The following INPP4B variants were observed in gnomAD, a reference collection of about 807,000 sequenced individuals.
The protein encoded by INPP4B is inositol polyphosphate 4-phosphatase type II.
A neutral mutation model predicts 122.5 loss-of-function variants in INPP4B; 55 were observed. The ratio of observed to expected loss-of-function variants is 0.45; its 90% CI spans 0.36 to 0.56. The LOEUF (loss-of-function observed/expected upper bound fraction) is 0.56. INPP4B is among the 20% of genes least tolerant of loss of function. The probability of loss-of-function intolerance (pLI) is 0.00; values close to 1 mark genes in which losing one functional copy is unlikely to be tolerated. For synonymous variants in INPP4B, 403 were observed against 388.7 expected, an observed-to-expected ratio of 1.04 and a Z score of -0.43; for missense variants, 1,000 against 1,097.7, an observed-to-expected ratio of 0.91 and a Z score of 1.26.
At position 142,072,517 on chromosome 4, in the gene INPP4B, G is replaced by C. The variant is rs1405167896; in HGVS notation, c.2642+9514C>G. Among the ~76,000 whole-genome samples the C allele has an allele frequency of 2.0e-5, 3 of 147,054 alleles. No individual in the cohort carries two copies. In the East Asian group the frequency reaches 5.9e-4, roughly 29 times the overall value. On this transcript the variant is annotated intron_variant, in intron 25 of 25. Coordinates refer to ENST00000262992, the MANE Select transcript of INPP4B (RefSeq NM_001101669.3). ...TAAATAAAAGAGAACCAATGCAACAGATGATATGAATAGTGGAAATGACTT... is the reference window on the plus strand; with the variant it reads ...TAAATAAAAGAGAACCAATGCAACACATGATATGAATAGTGGAAATGACTT...
chr4:142,350,975 T>C (rs1192815421), intron 7 of INPP4B, among the ~76,000 whole-genome samples: 1 of 151,956 alleles, frequency 6.6e-6, no homozygotes. Flanking sequence ...AAAGAAGAAA[T>C]ATTGTTTTCC....
At chr4:142,648,561 TC>T (rs1752293415) in intron 2 of INPP4B, among the ~76,000 whole-genome samples, 1 of 152,192 alleles carries the variant, frequency 6.6e-6, no homozygotes, top group African/African-American at 2.4e-5. Context: ...GAAACCTTAA[TC>T]ACTGCCAGTG....
At chr4:142,454,657 T>C (rs1334068186) in intron 3 of INPP4B, among the ~76,000 whole-genome samples, 1 of 151,976 alleles carries the variant, frequency 6.6e-6, no homozygotes, top group African/African-American at 2.4e-5. Flanking sequence ...TGGGACCAAT[T>C]ATGGATCCAA....
intron 23 of INPP4B, among the ~76,000 whole-genome samples, chr4:142,105,350 T>A (rs1342796813): frequency 1.3e-5 from 2 of 152,196 alleles, no homozygotes; most frequent in Non-Finnish European, 2.9e-5. Context: ...AATTACTAAC[T>A]ACTAAAGGTT....
chr4:142,276,866 T>C (rs537939608), intron 9 of INPP4B, among the ~76,000 whole-genome samples: 2 of 152,030 alleles, frequency 1.3e-5, no homozygotes, highest in South Asian at 4.1e-4. Flanking sequence ...CTATTAAAAA[T>C]ATATATTTGG....
intron 15 of INPP4B, among the ~76,000 whole-genome samples, chr4:142,184,422 C>A (rs1224479939): frequency 6.6e-6 from 1 of 152,184 alleles, no homozygotes; most frequent in Non-Finnish European, 1.5e-5. Flanking sequence ...CCACAAGTGT[C>A]TTTTTGTTTC....
chr4:142,843,517 CAG>C (rs1204624483), intron 1 of INPP4B, among the ~76,000 whole-genome samples: 2 of 151,874 alleles, frequency 1.3e-5, no homozygotes, highest in Non-Finnish European at 2.9e-5. Context: ...TTATTTAAAA[CAG>C]GGCATTTCTA....
At chr4:142,379,226 C>T (rs1793146426) in intron 7 of INPP4B, among the ~76,000 whole-genome samples, 1 of 152,118 alleles carries the variant, frequency 6.6e-6, no homozygotes, top group South Asian at 2.1e-4. Context: ...ATCATCATTA[C>T]CCAAGTTTGT....
At chr4:142,811,003 G>A (rs1318640104) in intron 1 of INPP4B, among the ~76,000 whole-genome samples, 1 of 152,174 alleles carries the variant, frequency 6.6e-6, no homozygotes, top group Admixed American at 6.5e-5. Context: ...AAAATGTTAT[G>A]TAAATGCACT....
At chr4:142,653,434 A>G (rs546987230) in intron 2 of INPP4B, among the ~76,000 whole-genome samples, 1 of 152,270 alleles carries the variant, frequency 6.6e-6, no homozygotes, top group African/African-American at 2.4e-5. Context: ...GAGTGAACAG[A>G]CAACCTACTG....
chr4:142,142,486 G>C (rs948930467), intron 18 of INPP4B, among the ~76,000 whole-genome samples: 3 of 152,026 alleles, frequency 2.0e-5, no homozygotes, highest in African/African-American at 7.2e-5. Flanking sequence ...AATGAAACCA[G>C]GTTTCTTTAG....
intron 15 of INPP4B, among the ~76,000 whole-genome samples, chr4:142,189,235 C>A (rs546692611): frequency 6.6e-6 from 1 of 152,100 alleles, no homozygotes. Context: ...TAGTGGGCAG[C>A]CAAGGTTGGT....
chr4:142,221,526 G>A (rs1423046016), intron 12 of INPP4B, among the ~76,000 whole-genome samples: 4 of 151,210 alleles, frequency 2.6e-5, no homozygotes, highest in African/African-American at 4.9e-5. Flanking sequence ...TTTCTATCTT[G>A]CCCACAAGGA....
At chr4:142,130,784 C>CT (rs545513203) in intron 18 of INPP4B, among the ~76,000 whole-genome samples, 15 of 152,190 alleles carry the variant, frequency 9.9e-5, no homozygotes, top group Non-Finnish European at 1.9e-4. Flanking sequence ...AATAACTGTA[C>CT]TGCTCAACCC....
At chr4:142,523,367 G>T (rs577064520) in intron 2 of INPP4B, among the ~76,000 whole-genome samples, 1 of 152,098 alleles carries the variant, frequency 6.6e-6, no homozygotes, top group Non-Finnish European at 1.5e-5. Context: ...AGGTGAACAT[G>T]ATGTAAGAGG....
chr4:142,499,891 A>G (rs1231310542), intron 2 of INPP4B, among the ~76,000 whole-genome samples: 2 of 152,136 alleles, frequency 1.3e-5, no homozygotes, highest in South Asian at 4.1e-4. Context: ...CCACCTTGCA[A>G]TCTGATCAAA....
chr4:142,548,454 C>T (rs543380903), intron 2 of INPP4B, among the ~76,000 whole-genome samples: 1 of 152,116 alleles, frequency 6.6e-6, no homozygotes, highest in African/African-American at 2.4e-5. Context: ...CTAGAAGAGG[C>T]TAGCTAATTC....
intron 2 of INPP4B, among the ~76,000 whole-genome samples, chr4:142,719,420 G>A (rs1349497404): frequency 1.3e-5 from 2 of 151,932 alleles, no homozygotes; most frequent in East Asian, 3.9e-4. Flanking sequence ...ACCTCTCGGG[G>A]GTTAGGTGAT....
chr4:142,380,941 C>T (rs989403359), intron 7 of INPP4B, among the ~76,000 whole-genome samples: 1 of 152,054 alleles, frequency 6.6e-6, no homozygotes, highest in African/African-American at 2.4e-5. Context: ...TTATTACATC[C>T]TTCTTTTTTG....
Sources: allele counts gnomAD v4.1 joint callset (sites outside exome capture counted in the v4.1 genomes callset), GRCh38; gene constraint gnomAD v4.1.1; transcripts MANE v1.5; gene names NCBI Gene and HGNC (gene_info 2026-07-23, HGNC 2026-07-21).